Variants in XKR9 observed in about 807,000 individuals in gnomAD.
XKR9 encodes the protein XK-related protein 9.
XKR9 carries 32 observed loss-of-function variants against 32.0 expected under a neutral mutation model. That is an observed-to-expected ratio of 1.00 (90% CI 0.76 to 1.34). The LOEUF (loss-of-function observed/expected upper bound fraction) is 1.34, where lower values mean the gene tolerates loss of function less well. Ranked by LOEUF, XKR9 falls within the 40% of genes most tolerant of loss-of-function variation. The probability of loss-of-function intolerance (pLI) is 0.00; values close to 1 mark genes in which losing one functional copy is unlikely to be tolerated. For missense variants in XKR9, 546 were observed against 429.7 expected, an observed-to-expected ratio of 1.27 and a Z score of -2.39; for synonymous variants, 168 against 143.4, an observed-to-expected ratio of 1.17 and a Z score of -1.22.
At chr8:70,816,380 T>G in the XKR9 span, among the ~76,000 whole-genome samples, 3 of 152,120 alleles carry the variant, frequency 2.0e-5, no homozygotes, top group Non-Finnish European at 4.4e-5. Flanking sequence ...GATCCAGCAA[T>G]CCCATGACTA....
chr8:70,997,150 T>C, the XKR9 span, among the ~76,000 whole-genome samples: 2 of 152,058 alleles, frequency 1.3e-5, no homozygotes, highest in Admixed American at 6.5e-5. Flanking sequence ...GTACAAAAAT[T>C]AGCTGGCATT....
intron 4 of XKR9, among the ~76,000 whole-genome samples, chr8:70,720,544 C>G (rs1157514205): frequency 6.6e-6 from 1 of 152,140 alleles, no homozygotes; most frequent in Non-Finnish European, 1.5e-5. Context: ...TTTTCTGCAT[C>G]TGTTGAGATA....
intron 2 of XKR9, among the ~76,000 whole-genome samples, chr8:70,749,184 A>C (rs1807099731): frequency 6.6e-6 from 1 of 152,134 alleles, no homozygotes; most frequent in African/African-American, 2.4e-5. Context: ...CTCACCCTCC[A>C]GTTGTTTGTG....
intron 3 of XKR9, among the ~76,000 whole-genome samples, chr8:70,694,203 C>T (rs1032384664): frequency 8.2e-4 from 125 of 152,310 alleles, no homozygotes; most frequent in Non-Finnish European, 1.4e-3. Context: ...GGCTGGAGAC[C>T]GTGGTTGCGA....
At chr8:70,725,692 G>T (rs957485617) in intron 4 of XKR9, among the ~76,000 whole-genome samples, 19 of 152,224 alleles carry the variant, frequency 1.2e-4, no homozygotes, top group African/African-American at 4.6e-4. Context: ...GATCACTTAA[G>T]GTCAGGAGTT....
At chr8:70,897,003 A>T in the XKR9 span, among the ~76,000 whole-genome samples, 1,224 of 152,090 alleles carry the variant, frequency 8.0e-3, 16 homozygotes, top group Non-Finnish European at 0.01. Flanking sequence ...GTACCAATGG[A>T]CCATCCCCCC....
At chr8:70,762,737 G>T (rs1586888344) in intron 2 of XKR9, among the ~76,000 whole-genome samples, 1 of 152,268 alleles carries the variant, frequency 6.6e-6, no homozygotes, top group East Asian at 1.9e-4. Context: ...TGTTCTAGGT[G>T]CAGTGCTAGC....
At chr8:70,717,084 A>T (rs896207708) in intron 4 of XKR9, among the ~76,000 whole-genome samples, 3 of 151,994 alleles carry the variant, frequency 2.0e-5, no homozygotes, top group African/African-American at 7.2e-5. Context: ...CAAGAGGTGG[A>T]CTCCTATGGC....
the XKR9 span, among the ~76,000 whole-genome samples, chr8:70,847,683 A>T: frequency 0.14 from 20,661 of 151,996 alleles, 1,903 homozygotes; most frequent in African/African-American, 0.26. Context: ...ATCAGAGATT[A>T]TTATGTTCAA....
chr8:70,696,264 A>G (rs994810947), intron 3 of XKR9, among the ~76,000 whole-genome samples: 2 of 152,200 alleles, frequency 1.3e-5, no homozygotes, highest in South Asian at 2.1e-4. Context: ...GCCCATGCCT[A>G]TGTCCTGAAT....
the XKR9 span, among the ~76,000 whole-genome samples, chr8:70,842,930 G>A: frequency 6.6e-6 from 1 of 152,056 alleles, no homozygotes; most frequent in Non-Finnish European, 1.5e-5. Flanking sequence ...TTGGACTGAA[G>A]AAGGAGAGAA....
intron 3 of XKR9, among the ~76,000 whole-genome samples, chr8:70,684,544 A>G (rs1375191034): frequency 6.8e-6 from 1 of 147,478 alleles, no homozygotes; most frequent in Non-Finnish European, 1.5e-5. Context: ...ATTAAAATTA[A>G]GATCAATTAA....
chr8:70,691,749 A>G (rs7814648), intron 3 of XKR9, among the ~76,000 whole-genome samples: 61,259 of 151,824 alleles, frequency 0.4, 13,879 homozygotes, highest in Non-Finnish European at 0.52. Flanking sequence ...TTTTGGGCTC[A>G]TTATTCTGTT....
chr8:70,907,434 C>T, the XKR9 span, among the ~76,000 whole-genome samples: 1 of 152,152 alleles, frequency 6.6e-6, no homozygotes, highest in East Asian at 1.9e-4. Flanking sequence ...TGAAACTACA[C>T]CCATTGCTAT....
At chr8:70,805,703 C>A in the XKR9 span, among the ~76,000 whole-genome samples, 2 of 152,220 alleles carry the variant, frequency 1.3e-5, no homozygotes, top group Non-Finnish European at 2.9e-5. Context: ...GGCTTCCCTG[C>A]AGGAACTCCA....
At chr8:70,883,364 TA>T in the XKR9 span, among the ~76,000 whole-genome samples, 1 of 152,142 alleles carries the variant, frequency 6.6e-6, no homozygotes, top group East Asian at 1.9e-4. Context: ...CATTTTTTTT[TA>T]ATCTACTTGT....
At chr8:70,928,131 C>A in the XKR9 span, among the ~76,000 whole-genome samples, 44 of 152,324 alleles carry the variant, frequency 2.9e-4, 1 homozygote, top group Middle Eastern at 3.4e-3. Context: ...CAACCTCAAC[C>A]TTCTGGGCTC....
the XKR9 span, among the ~76,000 whole-genome samples, chr8:71,013,322 C>A: frequency 6.6e-6 from 1 of 152,026 alleles, no homozygotes; most frequent in African/African-American, 2.4e-5. Context: ...AGGAGAGGGA[C>A]ATTAGGGAGG....
At chr8:71,006,198 A>G in the XKR9 span, among the ~76,000 whole-genome samples, 2 of 152,226 alleles carry the variant, frequency 1.3e-5, no homozygotes, top group African/African-American at 4.8e-5. Flanking sequence ...ATTATGAGAG[A>G]TATTCCAGGA....
Sources: gnomAD v4.1 joint callset for allele counts (sites outside exome capture counted in the v4.1 genomes callset) on GRCh38, gnomAD v4.1.1 for gene constraint, MANE v1.5 for transcripts, NCBI Gene and HGNC (gene_info 2026-07-23, HGNC 2026-07-21) for gene names.